Variants in ALPK1 observed in about 807,000 individuals in gnomAD.
The protein encoded by ALPK1 is alpha-protein kinase 1.
In ALPK1, 110 loss-of-function variants were observed where a neutral mutation model predicts 120.6. The ratio of observed to expected loss-of-function variants is 0.91; its 90% CI spans 0.78 to 1.07. The LOEUF (loss-of-function observed/expected upper bound fraction) is 1.07. ALPK1 is among the 50% of genes least tolerant of loss of function. The pLI is 0.00. For missense variants in ALPK1, 1,498 were observed against 1,483.9 expected (o/e 1.01, Z -0.16); for synonymous variants, 582 against 560.3 (o/e 1.04, Z -0.55).
chr4:112,335,793 T>TG (rs1193485092), intron 2 of ALPK1, among the ~76,000 whole-genome samples: 9 of 152,336 alleles, frequency 5.9e-5, no homozygotes, highest in Middle Eastern at 6.8e-3. Context: ...CATTAATTCT[T>TG]GGCTTTCTTG....
chr4:112,423,540 A>ACC (rs1734094018), intron 5 of ALPK1, among the ~76,000 whole-genome samples: 2 of 151,892 alleles, frequency 1.3e-5, no homozygotes, highest in African/African-American at 4.8e-5. Flanking sequence ...CTCACTCCCC[A>ACC]CCCCCAAATT....
chr4:112,433,187 A>T (rs1734652006), intron 11 of ALPK1, among the ~76,000 whole-genome samples: 1 of 152,184 alleles, frequency 6.6e-6, no homozygotes, highest in South Asian at 2.1e-4. Flanking sequence ...TGTATTCATG[A>T]TTCTGTAACA....
At chr4:112,401,664 G>T in intron 4 of ALPK1, among the ~76,000 whole-genome samples, 1 of 152,284 alleles carries the variant, frequency 6.6e-6, no homozygotes, top group East Asian at 1.9e-4. Context: ...GGTAAGGTGT[G>T]CAGGTCCCTA....
intron 2 of ALPK1, among the ~76,000 whole-genome samples, chr4:112,374,284 T>A (rs560679236): frequency 1.3e-5 from 2 of 152,310 alleles, no homozygotes; most frequent in Admixed American, 6.5e-5. Flanking sequence ...TCCTTGCCCA[T>A]CTATAAGGAG....
intron 2 of ALPK1, among the ~76,000 whole-genome samples, chr4:112,335,908 G>C (rs1729597366): frequency 6.6e-6 from 1 of 152,122 alleles, no homozygotes; most frequent in African/African-American, 2.4e-5. Flanking sequence ...AATCTGAATG[G>C]ATATGGGAAG....
chr4:112,338,690 G>C (rs1053883135), intron 2 of ALPK1, among the ~76,000 whole-genome samples: 2 of 152,184 alleles, frequency 1.3e-5, no homozygotes, highest in Non-Finnish European at 2.9e-5. Context: ...TTTTACCTTG[G>C]AAGTGAGTGG....
At chr4:112,415,899 C>G (rs1160592244) in intron 5 of ALPK1, among the ~76,000 whole-genome samples, 2 of 151,934 alleles carry the variant, frequency 1.3e-5, no homozygotes, top group Non-Finnish European at 2.9e-5. Flanking sequence ...TAAAATAAAT[C>G]CTTAGAAAAA....
chr4:112,432,295 C>A lies in ALPK1; in HGVS notation c.2748C>A (p.Asn916Lys), dbSNP rs765426682. The change falls in exon 11 of 16, where the codon AAC becomes AAA. Residue 916 changes from asparagine (N) to lysine (K), a missense_variant. By Grantham distance (94) the Asn-to-Lys change is moderately conservative (BLOSUM62 0). Coordinates refer to ENST00000650871, the MANE Select transcript of ALPK1 (RefSeq NM_025144.4). ...CAGAGGAAGGAAATCAGCCTGGAAA[C>A]ATGCTAAACTGCAGCCAGAACTCCA... ...TTTEEGNQPG[N>K]MLNCSQNSSS... is the part of the protein sequence containing the mutation. The A allele has an allele frequency of 6.2e-7, 1 of 1,614,222 alleles. No homozygotes were observed. The highest frequency in any genetic ancestry group is 1.1e-5 in the South Asian group (1 of 91,088).
intron 2 of ALPK1, among the ~76,000 whole-genome samples, chr4:112,375,180 CTTTTTTT>C (rs200078535): frequency 7.9e-6 from 1 of 127,352 alleles, no homozygotes; most frequent in Non-Finnish European, 1.6e-5. Flanking sequence ...TGATGTTTTT[CTTTTTTT>C]TTTTTTTTTT....
At chr4:112,397,419 T>G (rs966053889) in intron 4 of ALPK1, among the ~76,000 whole-genome samples, 1 of 152,268 alleles carries the variant, frequency 6.6e-6, no homozygotes, top group Non-Finnish European at 1.5e-5. Context: ...ATTAGGCTAG[T>G]GCAAAGGTAA....
rs545192563 is a variant in ALPK1, at chr4:112,324,902, T to C, written c.-101+9050T>C. On this transcript the variant is annotated intron_variant, in intron 2 of 15. Coordinates refer to ENST00000650871, the MANE Select transcript of ALPK1 (RefSeq NM_025144.4). ...TAGTTACCCTGGAACATCAGAGGGG[T>C]TCAATAAATATTTGTTGAAGCAAAT... Among the ~76,000 whole-genome samples, 57 of 145,842 alleles carry C rather than the reference T, an allele frequency of 3.9e-4. 1 individual carries two copies. The highest frequency in any genetic ancestry group is 1.4e-3 in the African/African-American group (54 of 39,556).
intron 2 of ALPK1, chr4:112,356,931 C>A (rs1730651770): frequency 1.3e-6 from 1 of 757,518 alleles, no homozygotes. Flanking sequence ...TTTGACCTGA[C>A]CCCCCATGAC....
intron 14 of ALPK1, among the ~76,000 whole-genome samples, chr4:112,440,650 C>A (rs550837737): frequency 1.3e-5 from 2 of 152,074 alleles, no homozygotes; most frequent in South Asian, 4.2e-4. Context: ...CTTTCTAATA[C>A]CTTGAAAAAT....
At chr4:112,367,442 T>A (rs1448820938) in intron 2 of ALPK1, among the ~76,000 whole-genome samples, 4 of 152,024 alleles carry the variant, frequency 2.6e-5, no homozygotes, top group African/African-American at 9.7e-5. Flanking sequence ...ATGTAAAAAA[T>A]GAAAATACAA....
At chr4:112,416,789 T>C (rs980988549) in intron 5 of ALPK1, among the ~76,000 whole-genome samples, 5 of 150,294 alleles carry the variant, frequency 3.3e-5, no homozygotes, top group African/African-American at 1.2e-4. Context: ...GGTGGGAGGA[T>C]CTCTTGAGAC....
rs1733521063 is a variant in ALPK1, at chr4:112,412,334, T to TCC, written c.475+309_475+310insCC. ...CTGCTTTCAAACAGGGGTATCTGAA[T>TCC]TGCTATACTTCTGACCAAGAGTCTT... On this transcript the variant is annotated intron_variant, in intron 5 of 15. Transcript: ENST00000650871. 72 of 541,732 alleles carry TCC rather than the reference T, an allele frequency of 1.3e-4. 1 individual carries two copies. The highest frequency in any genetic ancestry group is 1.1e-3 in the South Asian group (72 of 65,256). 33.6% of individuals were successfully genotyped at this position (541,732 alleles called of 1,614,324 possible). A position where few individuals can be genotyped will look rare whatever the true frequency, so the allele number is the denominator to read the frequency against.
chr4:112,356,792 G>A lies in ALPK1; in HGVS notation c.-100-20886G>A, dbSNP rs1474235749. The A allele has an allele frequency of 7.8e-5, 57 of 735,372 alleles. 2 individuals are homozygous for A. The highest frequency in any genetic ancestry group is 6.2e-4 in the South Asian group (46 of 74,338). 45.6% of individuals were successfully genotyped at this position (735,372 alleles called of 1,614,324 possible). On this transcript the variant is annotated intron_variant, in intron 2 of 15. Transcript: ENST00000650871. ...GAACCTGAAGCAGCAAGCCGACATC[G>A]TCTTCATCCCATACAGTTAGTTGTT...
intron 2 of ALPK1, among the ~76,000 whole-genome samples, chr4:112,364,894 G>T (rs1731075233): frequency 1.3e-5 from 2 of 152,242 alleles, no homozygotes; most frequent in South Asian, 4.1e-4. Context: ...ATGCAGGGAT[G>T]GTTTAACATA....
intron 2 of ALPK1, chr4:112,358,277 C>T: frequency 1.7e-6 from 1 of 592,980 alleles, no homozygotes; most frequent in Non-Finnish European, 3.2e-6. Flanking sequence ...CTGGGTGCGT[C>T]CCTACGTCAG....
Sources: allele counts gnomAD v4.1 joint callset (sites outside exome capture counted in the v4.1 genomes callset), GRCh38; gene constraint gnomAD v4.1.1; transcripts MANE v1.5; gene names NCBI Gene and HGNC (gene_info 2026-07-23, HGNC 2026-07-21).